The following SRRM2 variants were observed in gnomAD, a reference collection of about 807,000 sequenced individuals.
The protein encoded by SRRM2 is serine/arginine repetitive matrix protein 2.
SRRM2 carries 30 observed loss-of-function variants against 213.8 expected under a neutral mutation model. The ratio of observed to expected loss-of-function variants is 0.14; its 90% CI spans 0.10 to 0.19. The LOEUF is 0.19. SRRM2 is among the 10% of genes least tolerant of loss of function. The pLI, the probability that SRRM2 is intolerant of heterozygous loss-of-function variation, is 1.00. For missense variants in SRRM2, 4,904 were observed against 3,647.0 expected (o/e 1.34, Z -8.88); for synonymous variants, 2,025 against 1,377.7 (o/e 1.47, Z -10.40).
In SRRM2 at chr16:2,765,575, C is replaced by T. The variant is rs778207314; in HGVS notation, c.5047C>T (p.Arg1683Cys). 3.3e-5 allele frequency: 53 copies of T among 1,614,070 alleles called. No individual in the cohort carries two copies. The East Asian group carries it at 5.3e-4, about 16-fold the overall frequency. The change falls in exon 11 of 15, where the codon CGT becomes TGT. Residue 1683 changes from arginine (R) to cysteine (C), a missense_variant. Arg to Cys is a radical substitution (Grantham distance 180, BLOSUM62 -3). Transcript: ENST00000301740. ...ATCACCAGAGCCCAAGACCAAGTCT[C>T]GTACACCACCTCGACGTCGCAGCTC... The part of the protein sequence containing the change: ...RSSPEPKTKS[R>C]TPPRRRSSRS...
chr16:2,760,151 T>A, intron 9 of SRRM2, 150 bp from the exon 10 acceptor site: 1 of 735,038 alleles, frequency 1.4e-6, no homozygotes, highest in Admixed American at 2.4e-5. Flanking sequence ...GTACTTGCAT[T>A]TCAGTGAATG....
At position 2,770,775 on chromosome 16, in the gene SRRM2, C is replaced by T. The variant is rs374608635; in HGVS notation, c.8249+58C>T. The T allele has an allele frequency of 2.9e-4, 459 of 1,604,090 alleles. 1 individual carries two copies. The highest frequency in any genetic ancestry group is 1.7e-3 in the South Asian group (156 of 89,494). ...GGGAGCCAGTTGTGGTGGTGGGTGG[C>T]GGCCCCATTTTGGGAGTGGCCCAGA... is the stretch of plus-strand genomic sequence containing the variant. On this transcript the variant is annotated intron_variant, in intron 14 of 14. Coordinates refer to ENST00000301740, the MANE Select transcript of SRRM2 (RefSeq NM_016333.4).
chr16:2,761,439 C>T (rs371322816), intron 10 of SRRM2, 122 bp from the exon 11 acceptor site: 40 of 694,654 alleles, frequency 5.8e-5, no homozygotes, highest in African/African-American at 3.6e-4. Flanking sequence ...TGAAAGTGAT[C>T]GCTTGTGGTC....
At chr16:2,759,267 T>C (rs2068255361) in intron 7 of SRRM2, 85 bp from the exon 8 acceptor site, 2 of 1,605,868 alleles carry the variant, frequency 1.2e-6, no homozygotes, top group Admixed American at 1.7e-5. Context: ...CTTCCTTGTG[T>C]CAACACTCCC....
Position 2,760,483 on chromosome 16 carries a change from A to T in SRRM2, c.1016A>T (p.Asp339Val), listed in dbSNP as rs748190103. The T allele has an allele frequency of 6.2e-7, 1 of 1,614,186 alleles. No homozygotes were observed. Among genetic ancestry groups the T allele is most frequent in the Non-Finnish European group, 8.5e-7 (1 of 1,179,998 alleles). ...KQPSSPYEDKDKDKKEKSATR... is the reference protein window; with the variant it reads ...KQPSSPYEDKVKDKKEKSATR... ...CCTAGCAGCCCTTATGAAGACAAAG[A>T]TAAAGACAAGAAGGAGGTATGTTCC... The change falls in exon 10 of 15, where the codon GAT (aspartate) becomes GTT (valine). Residue 339 changes from aspartate (D) to valine (V), a missense_variant. By Grantham distance (152) the Asp-to-Val change is radical. Coordinates refer to ENST00000301740, the MANE Select transcript of SRRM2 (RefSeq NM_016333.4).
At position 2,764,120 on chromosome 16, in the gene SRRM2, T is replaced by G; in HGVS notation, c.3592T>G (p.Ser1198Ala). The change falls in exon 11 of 15, where the codon TCT (serine) becomes GCT (alanine). Residue 1198 changes from serine to alanine, a missense_variant. Ser to Ala is a moderately conservative substitution (Grantham distance 99). Transcript: ENST00000301740. ...CTTTCCAGTACAGGATAGGCCTGAGTCTTCACTGGTATTCAAAGACACACT... is the reference window on the plus strand; with the variant it reads ...CTTTCCAGTACAGGATAGGCCTGAGGCTTCACTGGTATTCAAAGACACACT... ...SPFPVQDRPE[S>A]SLVFKDTLRT... is the part of the protein sequence containing the mutation. 3 of 1,613,982 alleles carry G rather than the reference T, an allele frequency of 1.9e-6. No individual in the cohort carries two copies. Among genetic ancestry groups the G allele is most frequent in the Non-Finnish European group, 2.5e-6 (3 of 1,179,990 alleles).
chr16:2,767,820 T>C lies in SRRM2; in HGVS notation c.7292T>C (p.Met2431Thr), dbSNP rs1348782720. The C allele has an allele frequency of 3.1e-6, 5 of 1,614,032 alleles. No individual in the cohort carries two copies. The highest frequency in any genetic ancestry group is 1.6e-4 in the Middle Eastern group (1 of 6,062). Reference sequence around the variant, plus strand: ...CGGGCTCCCTCCCCTTCCTCTAGAATGGGCCAGGCTCCTTCACAGTCTCTT... The same window carrying C: ...CGGGCTCCCTCCCCTTCCTCTAGAACGGGCCAGGCTCCTTCACAGTCTCTT... ...SERAPSPSSR[M>T]GQAPSQSLLP... Residue 2431 changes from methionine (M) to threonine (T), a missense_variant, in exon 11 of 15, where the codon ATG becomes ACG. Transcript: ENST00000301740.
intron 2 of SRRM2, 84 bp from the exon 3 acceptor site, chr16:2,757,388 C>T: frequency 1.6e-6 from 2 of 1,256,742 alleles, no homozygotes; most frequent in Non-Finnish European, 2.3e-6. Flanking sequence ...AGGGAGGGGC[C>T]CCTTTTGGGA....
At position 2,764,784 on chromosome 16, in the gene SRRM2, G is replaced by A. The variant is rs1287244712; in HGVS notation, c.4256G>A (p.Ser1419Asn). 1.2e-6 allele frequency: 2 copies of A among 1,614,212 alleles called. No individual in the cohort carries two copies. Among genetic ancestry groups the A allele is most frequent in the East Asian group, 2.2e-5 (1 of 44,886 alleles). The part of the protein sequence containing the change: ...AVPRTPSRER[S>N]SSASSPEMKD... The stretch of plus-strand genomic sequence containing the variant: ...CCCAGAACACCCTCGAGAGAAAGAA[G>A]TAGTTCTGCATCTTCTCCTGAAATG... The change falls in exon 11 of 15, where the codon AGT (serine) becomes AAT (asparagine). Residue 1419 changes from serine to asparagine, a missense_variant. Transcript: ENST00000301740.
At position 2,764,039 on chromosome 16, in the gene SRRM2, C is replaced by T. The variant is rs756498729; in HGVS notation, c.3511C>T (p.Pro1171Ser). The change falls in exon 11 of 15, where the codon CCC becomes TCC. Residue 1171 changes from proline (P) to serine (S), a missense_variant. Pro to Ser is a moderately conservative substitution (Grantham distance 74). Transcript: ENST00000301740. ...TGAATCAAAAGAGAAAATGGCCTTA[C>T]CCCCTCAGGAGGATGCTACTGCATC... is the stretch of plus-strand genomic sequence containing the variant. ...TAESKEKMAL[P>S]PQEDATASPP... 12 of 1,614,030 alleles carry T rather than the reference C, an allele frequency of 7.4e-6. No homozygotes were observed. Among genetic ancestry groups the T allele is most frequent in the Admixed American group, 3.3e-5 (2 of 60,008 alleles).
intron 1 of SRRM2, chr16:2,753,556 A>G (rs1305920749): frequency 1.3e-5 from 2 of 152,138 alleles, no homozygotes; most frequent in African/African-American, 4.8e-5. Context: ...ACACTTTTTC[A>G]ACGTCTCCCG....
Position 2,767,122 on chromosome 16 carries a change from C to T in SRRM2, c.6594C>T (p.Ser2198=). The change falls in exon 11 of 15, where the codon TCC becomes TCT. Residue 2198 remains serine, a synonymous_variant. Transcript: ENST00000301740. ...TTGGCACCGCTCGGCCTCCTCCGTC[C>T]ATGTCTGCTGCTGGCCTTGCTGCAA... is the stretch of plus-strand genomic sequence containing the variant. ...ISLGTARPPP[S]MSAAGLAARM... 1.2e-6 allele frequency: 2 copies of T among 1,614,212 alleles called. No individual in the cohort carries two copies. Among genetic ancestry groups the T allele is most frequent in the Non-Finnish European group, 8.5e-7 (1 of 1,180,038 alleles).
chr16:2,768,816 T>C, intron 11 of SRRM2, 181 bp from the exon 12 acceptor site: 1 of 1,236,796 alleles, frequency 8.1e-7, no homozygotes, highest in Non-Finnish European at 1.1e-6. Context: ...TTGCTTCTGT[T>C]AGCAGAGGTT....
intron 9 of SRRM2, chr16:2,759,902 C>A: frequency 1.9e-6 from 1 of 536,536 alleles, no homozygotes; most frequent in Non-Finnish European, 3.3e-6. Flanking sequence ...ATATGGACTG[C>A]CAGAATAGGG....
At chr16:2,769,365 C>G in intron 12 of SRRM2, 81 bp downstream of exon 12, 1 of 1,466,244 alleles carries the variant, frequency 6.8e-7, no homozygotes, top group South Asian at 1.4e-5. Flanking sequence ...GTGAGCTCCC[C>G]GCTGGGTGTC....
In SRRM2 at chr16:2,769,246, A is replaced by T; in HGVS notation, c.7983A>T (p.Lys2661Asn). 1 of 1,576,376 alleles carries T rather than the reference A, an allele frequency of 6.3e-7. No individual in the cohort carries two copies. Among genetic ancestry groups the T allele is most frequent in the Non-Finnish European group, 8.6e-7 (1 of 1,160,472 alleles). The change falls in exon 12 of 15, where the codon AAA (lysine) becomes AAT (asparagine). Residue 2661 changes from lysine to asparagine, a missense_variant. Lys to Asn is a moderately conservative substitution (Grantham distance 94). Transcript: ENST00000301740. ...PAKPGPQALP[K>N]PASPKKPPPG... The stretch of plus-strand genomic sequence containing the variant: ...AGCCTGGCCCTCAGGCCTTGCCCAA[A>T]CCTGCAAGCCCCAAGAAGCCACCCC...
At chr16:2,753,669 A>G (rs2068028954) in intron 1 of SRRM2, 1 of 152,356 alleles carries the variant, frequency 6.6e-6, no homozygotes, top group South Asian at 2.1e-4. Context: ...GTTCTTTGGC[A>G]CACAGCTCTT....
At position 2,765,736 on chromosome 16, in the gene SRRM2, C is replaced by T. The variant is rs369193026; in HGVS notation, c.5208C>T (p.Ala1736=). The change falls in exon 11 of 15, where the codon GCC becomes GCT. Residue 1736 remains alanine, a synonymous_variant. Coordinates refer to ENST00000301740, the MANE Select transcript of SRRM2 (RefSeq NM_016333.4). ...CCTCAGTGTCTTCCCCGGAGCCAGC[C>T]GAAAAATCGAGGTCTTCACGCCGAC... ...RSPSVSSPEP[A]EKSRSSRRRR... The T allele has an allele frequency of 3.6e-5, 58 of 1,613,982 alleles. No homozygotes were observed. Among genetic ancestry groups the T allele is most frequent in the Middle Eastern group, 3.3e-4 (2 of 6,084 alleles).
Position 2,763,293 on chromosome 16 carries a change from T to A in SRRM2, c.2765T>A (p.Ile922Lys). The change falls in exon 11 of 15, where the codon ATA (isoleucine) becomes AAA (lysine). Residue 922 changes from isoleucine to lysine, a missense_variant. By Grantham distance (102) the Ile-to-Lys change is moderately radical. Transcript: ENST00000301740. ...SSSPQPKVKA[I>K]ISPRQRSHSG... ...TCTCCACAACCCAAAGTGAAGGCAA[T>A]AATATCACCAAGACAAAGAAGCCAT... 1 of 1,613,856 alleles carries A rather than the reference T, an allele frequency of 6.2e-7. No homozygotes were observed. Among genetic ancestry groups the A allele is most frequent in the Non-Finnish European group, 8.5e-7 (1 of 1,179,958 alleles).
Sources: gnomAD v4.1 joint callset for allele counts on GRCh38, gnomAD v4.1.1 for gene constraint, MANE v1.5 for transcripts, NCBI Gene and HGNC (gene_info 2026-07-23, HGNC 2026-07-21) for gene names.